RBP5: variants seen among roughly 807,000 people sequenced by gnomAD.
RBP5 encodes the protein retinol-binding protein 5.
RBP5 carries 12 observed loss-of-function variants against 17.8 expected under a neutral mutation model. The observed-to-expected ratio is 0.67, with a 90% CI of 0.43 to 1.09. The LOEUF (loss-of-function observed/expected upper bound fraction) is 1.09. RBP5 is among the 50% of genes least tolerant of loss of function. The pLI, the probability that RBP5 is intolerant of heterozygous loss-of-function variation, is 0.00. For missense variants in RBP5, 172 were observed against 169.4 expected (o/e 1.02, Z -0.09); for synonymous variants, 64 against 68.1 (o/e 0.94, Z 0.30).
At chr12:7,118,413 T>TA (rs1939033490) in intron 3 of RBP5, 2 of 152,062 alleles carry the variant, frequency 1.3e-5, no homozygotes, top group African/African-American at 4.8e-5. Context: ...GTGAAAGAAT[T>TA]CGCCTGAGGT....
downstream of RBP5, among the ~76,000 whole-genome samples, chr12:7,119,207 G>C (rs1939046070): frequency 6.8e-6 from 1 of 148,072 alleles, no homozygotes; most frequent in African/African-American, 2.5e-5. Context: ...GGGATGGGGG[G>C]GGGTCCCAAG....
upstream of RBP5, chr12:7,129,369 TCAGAGCTCCC>T (rs1384532687): frequency 6.0e-6 from 1 of 166,048 alleles, no homozygotes; most frequent in African/African-American, 2.4e-5. The surrounding 1 kb of genome is among the most constrained non-coding windows in gnomAD (Gnocchi z 5.5). Flanking sequence ...GGCCTGGCTC[TCAGAGCTCCC>T]TCAGGTAGTG....
At chr12:7,123,355 T>C (rs1430144238), downstream of RBP5, among the ~76,000 whole-genome samples, 1 of 152,228 alleles carries the variant, frequency 6.6e-6, no homozygotes, top group Non-Finnish European at 1.5e-5. Flanking sequence ...TGTATTACTG[T>C]CTTTTATTCC....
At chr12:7,128,983 TG>T, upstream of RBP5, 2 of 550,660 alleles carry the variant, frequency 3.6e-6, no homozygotes, top group Middle Eastern at 4.9e-4. The surrounding 1 kb of genome is among the most constrained non-coding windows in gnomAD (Gnocchi z 5.3). Context: ...ATGGTGAGTT[TG>T]GGGGTGGTGT....
At chr12:7,121,502 G>A (rs988344432), downstream of RBP5, among the ~76,000 whole-genome samples, 1 of 152,160 alleles carries the variant, frequency 6.6e-6, no homozygotes, top group East Asian at 1.9e-4. Flanking sequence ...GGTGGAGGCC[G>A]AGGGGAGAGG....
At chr12:7,123,126 C>G (rs767648054), downstream of RBP5, among the ~76,000 whole-genome samples, 1 of 152,242 alleles carries the variant, frequency 6.6e-6, no homozygotes, top group Admixed American at 6.5e-5. Flanking sequence ...TCTGAAAGAG[C>G]CAAGGCCCCT....
In RBP5 at chr12:7,117,252, G is replaced by A. The variant is rs188375068; in HGVS notation, n.945C>T. 6.6e-6 allele frequency: 1 copy of A among 152,344 alleles called. No homozygotes were observed. The highest frequency in any genetic ancestry group is 2.4e-5 in the African/African-American group (1 of 41,578). The allele number at this position is 152,344 out of a possible 1,614,324, so 9.4% of individuals were successfully genotyped here. A position where few individuals can be genotyped will look rare whatever the true frequency, so the allele number is the denominator to read the frequency against. On this transcript the variant is annotated non_coding_transcript_exon_variant, in exon 4 of 4. Transcript: ENST00000619522. This position sits in a 1 kb window ranked among gnomAD's most constrained non-coding sequence, Gnocchi z 4.9. ...AGGTGACAGTGTCTTTTATAAGCCA[G>A]CCTTGGAAGTGACGTAGCATCATTT...
In RBP5 at chr12:7,124,617, C is replaced by T. The variant is rs563221675; in HGVS notation, c.354+12G>A. ...GCCCTTCTCCCAGACACCCAGCCCC[C>T]ACCCCATTTACCAGATACAGCATCT... On this transcript the variant is annotated intron_variant, in intron 3 of 3. Coordinates refer to ENST00000266560, the MANE Select transcript of RBP5 (RefSeq NM_031491.4). This position sits in a 1 kb window ranked among gnomAD's most constrained non-coding sequence, Gnocchi z 5.3. 25 of 1,482,628 alleles carry T rather than the reference C, an allele frequency of 1.7e-5. 1 individual carries two copies. In the South Asian group the frequency reaches 2.2e-4, roughly 13 times the overall value. 91.8% of individuals were successfully genotyped at this position (1,482,628 alleles called of 1,614,324 possible). A position where few individuals can be genotyped will look rare whatever the true frequency, so the allele number is the denominator to read the frequency against.
chr12:7,125,088 G>A (rs1464986725), intron 2 of RBP5, among the ~76,000 whole-genome samples: 2 of 152,104 alleles, frequency 1.3e-5, no homozygotes, highest in Non-Finnish European at 2.9e-5. Context: ...TGTATTTTTA[G>A]TAGAGACAGG....
At chr12:7,119,528 A>G (rs1044377675), downstream of RBP5, 1 of 154,824 alleles carries the variant, frequency 6.5e-6, no homozygotes, top group African/African-American at 2.4e-5. Context: ...CAGCAAGATG[A>G]TGGCTACACT....
Position 7,128,111 on chromosome 12 carries a change from C to T in RBP5, c.252+129G>A. ...GACTGGTATCCTGGGGACTGCATTC[C>T]CTGCTGTGGTGACCATTCCCCTCCT... On this transcript the variant is annotated intron_variant, in intron 2 of 3. Coordinates refer to ENST00000266560, the MANE Select transcript of RBP5 (RefSeq NM_031491.4). This position sits in a 1 kb window ranked among gnomAD's most constrained non-coding sequence, Gnocchi z 5.3. 1.3e-6 allele frequency: 1 copy of T among 760,224 alleles called. No individual in the cohort carries two copies. The highest frequency in any genetic ancestry group is 1.9e-5 in the South Asian group (1 of 53,166). 47.1% of individuals were successfully genotyped at this position (760,224 alleles called of 1,614,324 possible).
In RBP5 at chr12:7,128,380, T is replaced by TCAG. The variant is rs1565646073; in HGVS notation, c.109_111dup (p.Leu37dup). 6.2e-7 allele frequency: 1 copy of TCAG among 1,614,176 alleles called. No individual in the cohort carries two copies. Among genetic ancestry groups the TCAG allele is most frequent in the Admixed American group, 1.7e-5 (1 of 60,024 alleles). Reference sequence around the variant, plus strand: ...TGGTGTTCGATCTCCTTGTCCGGCTTCAGCAGCAGCGCGATCTTCCGCACA... The same window carrying TCAG: ...TGGTGTTCGATCTCCTTGTCCGGCTTCAGCAGCAGCAGCGCGATCTTCCGCACA... On this transcript the variant is annotated inframe_insertion, in exon 2 of 4. Coordinates refer to ENST00000266560, the MANE Select transcript of RBP5 (RefSeq NM_031491.4). The surrounding 1 kb of genome is among the most constrained non-coding windows in gnomAD (Gnocchi z 5.3).
rs1363995200 is a variant in RBP5 at position 7,128,440 on chromosome 12, A to G, written c.74-22T>C. ...ATGTCTGTGGGGGCTGCCTGTTAGT[A>G]GGGGTGCTGCTAGCCAGCCAGGAGC... On this transcript the variant is annotated intron_variant, in intron 1 of 3. Transcript: ENST00000266560. The surrounding 1 kb of genome is among the most constrained non-coding windows in gnomAD (Gnocchi z 5.3). The G allele has an allele frequency of 3.1e-6, 5 of 1,612,482 alleles. No homozygotes were observed. In the African/African-American group the frequency reaches 5.3e-5, roughly 17 times the overall value.
chr12:7,128,357 G>T lies in RBP5; in HGVS notation c.135C>A (p.His45Gln), dbSNP rs140818918. The T allele has an allele frequency of 6.2e-7, 1 of 1,614,112 alleles. No individual in the cohort carries two copies. The highest frequency in any genetic ancestry group is 1.3e-5 in the African/African-American group (1 of 74,928). ...TCCTCACCGTCATGTGGTTGCCCTG[G>T]TGTTCGATCTCCTTGTCCGGCTTCA... ...LLLKPDKEIE[H>Q]QGNHMTVRTL... is the part of the protein sequence containing the mutation. Residue 45 changes from histidine to glutamine, a missense_variant, in exon 2 of 4, where the codon CAC becomes CAA. Transcript: ENST00000266560. The surrounding 1 kb of genome is among the most constrained non-coding windows in gnomAD (Gnocchi z 5.3).
chr12:7,128,625 C>G lies in RBP5; in HGVS notation c.73+78G>C. 7.2e-7 allele frequency: 1 copy of G among 1,389,364 alleles called. No homozygotes were observed. Among genetic ancestry groups the G allele is most frequent in the Non-Finnish European group, 1.0e-6 (1 of 999,582 alleles). 86.1% of individuals were successfully genotyped at this position (1,389,364 alleles called of 1,614,324 possible). A position where few individuals can be genotyped will look rare whatever the true frequency, so the allele number is the denominator to read the frequency against. ...CAGTGTCCAACCCCGGGCATTCCCT[C>G]TTCTCCATGGGACCAAGAAGCAGGA... On this transcript the variant is annotated intron_variant, in intron 1 of 3. Transcript: ENST00000266560. This position sits in a 1 kb window ranked among gnomAD's most constrained non-coding sequence, Gnocchi z 5.3.
Position 7,128,259 on chromosome 12 carries a change from A to G in RBP5, c.233T>C (p.Val78Ala). Residue 78 changes from valine to alanine, a missense_variant, in exon 2 of 4, where the codon GTG becomes GCG. Transcript: ENST00000266560. The surrounding 1 kb of genome is among the most constrained non-coding windows in gnomAD (Gnocchi z 5.3). ...ATGTACCTGGCATTTTCGTCCGTCC[A>G]CGCTCCTGAGGTCCTCCTCAAACTC... Reference protein sequence around the residue: ...GVEFEEDLRSVDGRKCQTIVT... With the variant: ...GVEFEEDLRSADGRKCQTIVT... 1.2e-6 allele frequency: 2 copies of G among 1,613,332 alleles called. No homozygotes were observed. The highest frequency in any genetic ancestry group is 8.5e-7 in the Non-Finnish European group (1 of 1,179,558).
In RBP5 at chr12:7,128,718, A is replaced by T; in HGVS notation, c.58T>A (p.Tyr20Asn). Residue 20 changes from tyrosine to asparagine, a missense_variant, in exon 1 of 4, where the codon TAC (tyrosine) becomes AAC (asparagine). Transcript: ENST00000266560. The surrounding 1 kb of genome is among the most constrained non-coding windows in gnomAD (Gnocchi z 5.3). ...AGGCCATTACTTAGGGCTTGCAGGT[A>T]GTCCTCCATGTTCTTCTGCGAGACA... is the stretch of plus-strand genomic sequence containing the variant. ...RFVSQKNMED[Y>N]LQALNISLAV... 1.9e-6 allele frequency: 3 copies of T among 1,603,010 alleles called. No individual in the cohort carries two copies. The highest frequency in any genetic ancestry group is 2.6e-6 in the Non-Finnish European group (3 of 1,174,746).
chr12:7,125,204 G>A (rs1418174624), intron 2 of RBP5, among the ~76,000 whole-genome samples: 1 of 152,190 alleles, frequency 6.6e-6, no homozygotes, highest in Non-Finnish European at 1.5e-5. Flanking sequence ...ATCACACCCA[G>A]CTTTCCACTC....
chr12:7,124,608 C>G lies in RBP5; in HGVS notation c.354+21G>C. On this transcript the variant is annotated intron_variant, in intron 3 of 3. Coordinates refer to ENST00000266560, the MANE Select transcript of RBP5 (RefSeq NM_031491.4). The surrounding 1 kb of genome is among the most constrained non-coding windows in gnomAD (Gnocchi z 5.3). ...TAGCTGGAGGCCCTTCTCCCAGACA[C>G]CCAGCCCCCACCCCATTTACCAGAT... 1 of 1,411,122 alleles carries G rather than the reference C, an allele frequency of 7.1e-7. No homozygotes were observed. The allele number at this position is 1,411,122 out of a possible 1,614,324, so 87.4% of individuals were successfully genotyped here. A position where few individuals can be genotyped will look rare whatever the true frequency, so the allele number is the denominator to read the frequency against.
Sources: allele counts gnomAD v4.1 joint callset (sites outside exome capture counted in the v4.1 genomes callset), GRCh38; gene constraint gnomAD v4.1.1; non-coding constraint Gnocchi (gnomAD v3.1); transcripts MANE v1.5; gene names NCBI Gene and HGNC (gene_info 2026-07-23, HGNC 2026-07-21).